The following DYM variants were observed in gnomAD, a reference collection of about 807,000 sequenced individuals.
DYM encodes dyggve-Melchior-Clausen syndrome protein.
In DYM, 78 loss-of-function variants were observed where a neutral mutation model predicts 93.1. That is an observed-to-expected ratio of 0.84 (90% CI 0.70 to 1.01). The LOEUF (loss-of-function observed/expected upper bound fraction) is 1.01, where lower values mean the gene tolerates loss of function less well. DYM is among the 50% of genes least tolerant of loss of function. DYM has a pLI of 0.00. For missense variants in DYM, 789 were observed against 845.0 expected, an observed-to-expected ratio of 0.93 and a Z score of 0.82; for synonymous variants, 321 against 319.7, an observed-to-expected ratio of 1.00 and a Z score of -0.04.
intron 8 of DYM, among the ~76,000 whole-genome samples, chr18:49,289,278 C>A (rs2059863996): frequency 6.6e-6 from 1 of 151,774 alleles, no homozygotes; most frequent in Admixed American, 6.6e-5. Context: ...GAAGAATATT[C>A]ATTTGACCAT....
chr18:49,076,369 T>C (rs1329178284), intron 17 of DYM, among the ~76,000 whole-genome samples: 2 of 152,376 alleles, frequency 1.3e-5, no homozygotes, highest in South Asian at 2.1e-4. Context: ...TACTGAAATA[T>C]GTTTTAGTGA....
At chr18:49,177,593 TAGC>T in intron 14 of DYM, among the ~76,000 whole-genome samples, 1 of 152,246 alleles carries the variant, frequency 6.6e-6, no homozygotes, top group South Asian at 2.1e-4. Context: ...CAACACCTAT[TAGC>T]TTCATCACTA....
At chr18:49,407,850 A>G (rs1458806079) in intron 2 of DYM, among the ~76,000 whole-genome samples, 4 of 151,896 alleles carry the variant, frequency 2.6e-5, no homozygotes, top group Admixed American at 6.5e-5. Flanking sequence ...AAGATGTTAC[A>G]GTTACAAGAA....
At chr18:49,308,407 G>C (rs576572698) in intron 8 of DYM, among the ~76,000 whole-genome samples, 1 of 152,204 alleles carries the variant, frequency 6.6e-6, no homozygotes, top group Non-Finnish European at 1.5e-5. Flanking sequence ...TAAGAATGGA[G>C]ACAATCCACA....
At chr18:49,055,321 C>T (rs978789460) in intron 17 of DYM, among the ~76,000 whole-genome samples, 8 of 152,166 alleles carry the variant, frequency 5.3e-5, no homozygotes, top group Middle Eastern at 6.8e-3. Context: ...AGCCTAGAGT[C>T]GAGGGGACAG....
At position 49,038,739 on chromosome 18, in the gene DYM, C is replaced by T. The variant is rs2070794163; in HGVS notation, c.*5316G>A. Among the ~76,000 whole-genome samples the T allele has an allele frequency of 6.6e-6, 1 of 152,172 alleles. No homozygotes were observed. Among genetic ancestry groups the T allele is most frequent in the Non-Finnish European group, 1.5e-5 (1 of 68,016 alleles). On this transcript the variant is annotated 3_prime_UTR_variant, in exon 18 of 18. Coordinates refer to ENST00000675505, the MANE Select transcript of DYM (RefSeq NM_001353214.3). ...TCTTTTGCAATTCTTAAATCTTCCA[C>T]TGAATTGATTATTCGAATTCTCTCT...
At chr18:49,066,341 T>C (rs572361322) in intron 17 of DYM, among the ~76,000 whole-genome samples, 109 of 152,334 alleles carry the variant, frequency 7.2e-4, no homozygotes, top group Middle Eastern at 3.4e-3. Context: ...GAGTTCTATC[T>C]GTGAATTTTA....
At chr18:49,440,945 ATATTATATAAATATATTATATT>A (rs1238486211) in intron 1 of DYM, among the ~76,000 whole-genome samples, 89 of 886 alleles carry the variant, frequency 0.1, 32 homozygotes, top group Non-Finnish European at 0.17. Context: ...AATATATAAT[ATATTATATAAATATATTATATT>A]TATATAATAT....
At chr18:49,209,516 C>T in intron 14 of DYM, 35 bp downstream of exon 14, 2 of 1,266,146 alleles carry the variant, frequency 1.6e-6, no homozygotes, top group Admixed American at 2.4e-5. Flanking sequence ...ATACAACATG[C>T]AGCATGCAGT....
intron 8 of DYM, among the ~76,000 whole-genome samples, chr18:49,317,636 A>ATCCTATCCTC (rs1555690524): frequency 5.1e-5 from 2 of 39,082 alleles, no homozygotes; most frequent in Non-Finnish European, 8.8e-5. Flanking sequence ...TCCCTCTCCT[A>ATCCTATCCTC]TCCTCTCCTC....
chr18:49,413,402 G>C (rs531078473), intron 2 of DYM, among the ~76,000 whole-genome samples: 22 of 152,080 alleles, frequency 1.4e-4, no homozygotes, highest in African/African-American at 5.1e-4. Flanking sequence ...ATAAATAACT[G>C]GTAAAGTAAC....
chr18:49,233,692 C>T (rs1282303325), intron 13 of DYM, among the ~76,000 whole-genome samples: 2 of 152,182 alleles, frequency 1.3e-5, no homozygotes, highest in Non-Finnish European at 2.9e-5. Flanking sequence ...TCTACACTAA[C>T]AGATTTTTTT....
chr18:49,189,833 A>C (rs912672506), intron 14 of DYM, among the ~76,000 whole-genome samples: 2 of 152,366 alleles, frequency 1.3e-5, no homozygotes, highest in Admixed American at 6.5e-5. Context: ...AGGAAATACC[A>C]CAAACTCTTG....
intron 13 of DYM, among the ~76,000 whole-genome samples, chr18:49,217,879 C>T (rs182621872): frequency 1.3e-5 from 2 of 152,134 alleles, no homozygotes; most frequent in African/African-American, 2.4e-5. Context: ...ACATCATAAC[C>T]ACAGGATCAA....
At chr18:49,296,217 C>T (rs1488350903) in intron 8 of DYM, among the ~76,000 whole-genome samples, 1 of 152,130 alleles carries the variant, frequency 6.6e-6, no homozygotes, top group Non-Finnish European at 1.5e-5. Flanking sequence ...GCACGAGCCA[C>T]CCAAAACCAT....
intron 1 of DYM, among the ~76,000 whole-genome samples, chr18:49,448,228 G>A (rs773909132): frequency 1.3e-5 from 2 of 152,062 alleles, no homozygotes; most frequent in African/African-American, 2.4e-5. Context: ...GCAGGAAAAT[G>A]GCCATTCAAT....
chr18:49,382,581 G>T (rs1265535645), intron 3 of DYM, among the ~76,000 whole-genome samples: 1 of 152,112 alleles, frequency 6.6e-6, no homozygotes, highest in Admixed American at 6.6e-5. Context: ...CAGGAGGTCC[G>T]ACAGGAAAGC....
chr18:49,253,094 C>A (rs2094323792), intron 13 of DYM, among the ~76,000 whole-genome samples: 2 of 152,170 alleles, frequency 1.3e-5, no homozygotes, highest in African/African-American at 2.4e-5. Flanking sequence ...AAAGATTTAT[C>A]CACATCCTTT....
intron 8 of DYM, among the ~76,000 whole-genome samples, chr18:49,318,791 C>G (rs1331518307): frequency 1.4e-5 from 2 of 140,338 alleles, no homozygotes; most frequent in Non-Finnish European, 3.1e-5. Flanking sequence ...AACATTATTT[C>G]TTTTTCTTTT....
Sources: allele counts gnomAD v4.1 joint callset (sites outside exome capture counted in the v4.1 genomes callset), GRCh38; gene constraint gnomAD v4.1.1; transcripts MANE v1.5; gene names NCBI Gene and HGNC (gene_info 2026-07-23, HGNC 2026-07-21).